The following APC variants were observed in gnomAD, a reference collection of about 807,000 sequenced individuals.
APC encodes the protein APC regulator of Wnt signaling pathway.
APC carries 72 observed loss-of-function variants against 247.0 expected under a neutral mutation model. The observed-to-expected ratio is 0.29, with a 90% CI of 0.24 to 0.35. The LOEUF is 0.35. Ranked by LOEUF, APC falls within the 10% of genes least tolerant of loss-of-function variation. The probability of loss-of-function intolerance (pLI) is 1.00; values close to 1 mark genes in which losing one functional copy is unlikely to be tolerated. For missense variants in APC, 3,400 were observed against 3,360.7 expected, an observed-to-expected ratio of 1.01 and a Z score of -0.29; for synonymous variants, 1,254 against 1,162.5, an observed-to-expected ratio of 1.08 and a Z score of -1.60.
At chr5:112,789,942 C>T (rs1759389577) in intron 6 of APC, among the ~76,000 whole-genome samples, 1 of 152,100 alleles carries the variant, frequency 6.6e-6, no homozygotes, top group Non-Finnish European at 1.5e-5. Context: ...TCACTGCAAC[C>T]TCCGCCTCCC....
At chr5:112,831,528 A>C (rs1488788371) in intron 14 of APC, among the ~76,000 whole-genome samples, 1 of 152,204 alleles carries the variant, frequency 6.6e-6, no homozygotes, top group Non-Finnish European at 1.5e-5. Flanking sequence ...TGCAGCAGTC[A>C]TGAACATTCT....
chr5:112,769,351 A>C (rs1163510036), intron 4 of APC, among the ~76,000 whole-genome samples: 2 of 152,108 alleles, frequency 1.3e-5, no homozygotes, highest in Non-Finnish European at 2.9e-5. Flanking sequence ...GCGCCTGGCC[A>C]ACAAAACATT....
chr5:112,722,251 AT>A (rs1444300981), intron 1 of APC, among the ~76,000 whole-genome samples: 1 of 152,196 alleles, frequency 6.6e-6, no homozygotes, highest in Non-Finnish European at 1.5e-5. Context: ...AGTTACATAA[AT>A]TTCCATACTA....
chr5:112,749,093 G>A (rs934094498), intron 1 of APC, among the ~76,000 whole-genome samples: 6 of 152,058 alleles, frequency 3.9e-5, no homozygotes, highest in Non-Finnish European at 7.4e-5. Context: ...TTAATGTAGC[G>A]AGTGACACAT....
At chr5:112,827,004 C>G (rs919227265) in intron 11 of APC, 104 bp from the exon 12 acceptor site, 6 of 1,120,320 alleles carry the variant, frequency 5.4e-6, no homozygotes, top group Non-Finnish European at 7.9e-6. Flanking sequence ...ACCATATATT[C>G]TCATTGATTG....
At chr5:112,773,176 A>G (rs996892094) in intron 4 of APC, among the ~76,000 whole-genome samples, 1 of 152,122 alleles carries the variant, frequency 6.6e-6, no homozygotes, top group Admixed American at 6.5e-5. Flanking sequence ...CTTATTTCTT[A>G]TTTTTTAAGT....
At chr5:112,801,431 A>G (rs1355409686) in intron 8 of APC, 48 bp downstream of exon 8, 6 of 1,332,142 alleles carry the variant, frequency 4.5e-6, no homozygotes, top group Non-Finnish European at 6.3e-6. Flanking sequence ...TAAATATCAG[A>G]AAAGTATGAA....
chr5:112,719,217 CTTCT>C (rs1751346013), intron 1 of APC, among the ~76,000 whole-genome samples: 1 of 151,866 alleles, frequency 6.6e-6, no homozygotes, highest in Non-Finnish European at 1.5e-5. Context: ...TTCTTTACTT[CTTCT>C]TTCTTTTCTT....
intron 1 of APC, among the ~76,000 whole-genome samples, chr5:112,715,310 T>C (rs1222189346): frequency 6.6e-6 from 1 of 152,164 alleles, no homozygotes; most frequent in Non-Finnish European, 1.5e-5. Flanking sequence ...GGGGACATAG[T>C]CAATAAATAT....
At chr5:112,760,596 A>G (rs1561453135) in intron 2 of APC, among the ~76,000 whole-genome samples, 1 of 152,190 alleles carries the variant, frequency 6.6e-6, no homozygotes, top group East Asian at 1.9e-4. Flanking sequence ...TTTAGGAAAG[A>G]CCTATTAGAG....
chr5:112,750,042 A>G (rs1754149800), intron 1 of APC, among the ~76,000 whole-genome samples: 1 of 140,460 alleles, frequency 7.1e-6, no homozygotes, highest in Non-Finnish European at 1.5e-5. Flanking sequence ...GGCTCACTGC[A>G]TCCTCCACCT....
At chr5:112,803,795 A>G (rs1361141770) in intron 8 of APC, among the ~76,000 whole-genome samples, 1 of 152,174 alleles carries the variant, frequency 6.6e-6, no homozygotes, top group African/African-American at 2.4e-5. Context: ...TTACATCTCT[A>G]TTTATGTAAA....
chr5:112,818,134 G>T (rs139519636), intron 9 of APC, among the ~76,000 whole-genome samples: 1 of 152,226 alleles, frequency 6.6e-6, no homozygotes, highest in South Asian at 2.1e-4. Flanking sequence ...AATGTGTCCC[G>T]ATGGGGGCAA....
chr5:112,709,314 T>C (rs1750714275), intron 1 of APC, among the ~76,000 whole-genome samples: 1 of 152,230 alleles, frequency 6.6e-6, no homozygotes, highest in South Asian at 2.1e-4. Context: ...TGTGGACTTT[T>C]GACCTTTTAA....
intron 1 of APC, 130 bp from the exon 2 acceptor site, chr5:112,754,742 CA>C: frequency 1.1e-5 from 9 of 809,370 alleles, no homozygotes; most frequent in Non-Finnish European, 1.6e-5. Context: ...GTTTTGAGAC[CA>C]AAAACTAGCA....
chr5:112,751,781 A>C (rs1754404098), intron 1 of APC, among the ~76,000 whole-genome samples: 1 of 151,844 alleles, frequency 6.6e-6, no homozygotes, highest in Admixed American at 6.6e-5. Context: ...TTTATTCATT[A>C]ATTTGTGTTG....
In APC at chr5:112,714,408, T is replaced by G. The variant is rs181097878; in HGVS notation, c.165+6526T>G. Among the ~76,000 whole-genome samples the G allele has an allele frequency of 3.3e-5, 5 of 152,364 alleles. No individual in the cohort carries two copies. In the East Asian group the frequency reaches 9.6e-4, roughly 29 times the overall value. On this transcript the variant is annotated intron_variant, in intron 1 of 13. Transcript: ENST00000507379. ...CAGAGATTGATCTATATTCTTACATTGCAAGTGACAGAAAACACAAAACTG... is the reference window on the plus strand; with the variant it reads ...CAGAGATTGATCTATATTCTTACATGGCAAGTGACAGAAAACACAAAACTG...
chr5:112,753,723 C>G (rs1158491955), intron 1 of APC, among the ~76,000 whole-genome samples: 1 of 152,138 alleles, frequency 6.6e-6, no homozygotes, highest in African/African-American at 2.4e-5. Context: ...GTAGAGTCTT[C>G]CAATTGCTGA....
intron 1 of APC, among the ~76,000 whole-genome samples, chr5:112,713,052 TC>T (rs1468200660): frequency 6.6e-6 from 1 of 150,686 alleles, no homozygotes; most frequent in African/African-American, 2.4e-5. Context: ...GCGCCTGTAA[TC>T]CCCACTACTC....
Sources: allele counts gnomAD v4.1 joint callset (sites outside exome capture counted in the v4.1 genomes callset), GRCh38; gene constraint gnomAD v4.1.1; transcripts MANE v1.5; gene names NCBI Gene and HGNC (gene_info 2026-07-23, HGNC 2026-07-21).